DENND1A: variants seen among roughly 807,000 people sequenced by gnomAD.
The protein encoded by DENND1A is DENN domain containing 1A.
In DENND1A, 51 loss-of-function variants were observed where a neutral mutation model predicts 113.7. The observed-to-expected ratio is 0.45, with a 90% CI of 0.36 to 0.57. DENND1A has a LOEUF of 0.57. DENND1A is among the 20% of genes least tolerant of loss of function. DENND1A has a pLI of 0.00. For missense variants in DENND1A, 1,258 were observed against 1,395.9 expected (o/e 0.90, Z 1.57); for synonymous variants, 565 against 570.8 (o/e 0.99, Z 0.14).
intron 2 of DENND1A, among the ~76,000 whole-genome samples, chr9:123,803,696 A>G (rs964362413): frequency 6.6e-6 from 1 of 152,220 alleles, no homozygotes; most frequent in Non-Finnish European, 1.5e-5. Context: ...GATCTTTCCC[A>G]TCAGCATAGA....
chr9:123,495,599 C>G (rs2051842582), intron 13 of DENND1A, among the ~76,000 whole-genome samples: 1 of 152,152 alleles, frequency 6.6e-6, no homozygotes, highest in African/African-American at 2.4e-5. Context: ...TTGAGAGAAC[C>G]CACCGATCAA....
At chr9:123,785,819 C>T (rs945169351) in intron 3 of DENND1A, among the ~76,000 whole-genome samples, 7 of 152,158 alleles carry the variant, frequency 4.6e-5, no homozygotes, top group African/African-American at 1.7e-4. Context: ...AATTACATTT[C>T]CACCTACGTT....
chr9:123,661,692 A>C (rs1032413136), intron 8 of DENND1A, among the ~76,000 whole-genome samples: 2 of 152,234 alleles, frequency 1.3e-5, no homozygotes, highest in African/African-American at 4.8e-5. Flanking sequence ...GAATAAAACA[A>C]ACAGAAGATA....
intron 20 of DENND1A, among the ~76,000 whole-genome samples, chr9:123,406,207 A>G (rs960098606): frequency 3.9e-5 from 6 of 152,346 alleles, no homozygotes; most frequent in Non-Finnish European, 5.9e-5. Context: ...TGATCTAACC[A>G]AAGTTTTTCC....
At chr9:123,531,554 T>TAC (rs57819030) in intron 13 of DENND1A, among the ~76,000 whole-genome samples, 25,434 of 102,688 alleles carry the variant, frequency 0.25, 2,541 homozygotes, top group East Asian at 0.39. Flanking sequence ...CCTCTCTCTC[T>TAC]ACACACACAC....
chr9:123,715,552 C>T (rs1478707415), intron 5 of DENND1A, among the ~76,000 whole-genome samples: 5 of 152,210 alleles, frequency 3.3e-5, no homozygotes, highest in Non-Finnish European at 7.3e-5. Context: ...CTACCTAGAG[C>T]TAGTTTGCAG....
chr9:123,762,981 A>C (rs969309195), intron 4 of DENND1A, among the ~76,000 whole-genome samples: 1 of 152,232 alleles, frequency 6.6e-6, no homozygotes, highest in Non-Finnish European at 1.5e-5. Flanking sequence ...GCTAATGCAC[A>C]GGAGATAAAG....
At chr9:123,534,884 T>C (rs944806133) in intron 13 of DENND1A, among the ~76,000 whole-genome samples, 1 of 152,204 alleles carries the variant, frequency 6.6e-6, no homozygotes, top group African/African-American at 2.4e-5. Flanking sequence ...AAGTATTATC[T>C]TCCTGTCTGT....
At chr9:123,408,291 C>T (rs538914165) in intron 20 of DENND1A, among the ~76,000 whole-genome samples, 1 of 152,274 alleles carries the variant, frequency 6.6e-6, no homozygotes, top group Admixed American at 6.5e-5. Context: ...TAGCAGTGTC[C>T]ACTGGAAATG....
At chr9:123,515,556 T>C (rs2772218) in intron 13 of DENND1A, among the ~76,000 whole-genome samples, 129,794 of 152,230 alleles carry the variant, frequency 0.85, 55,768 homozygotes, top group Middle Eastern at 0.91. Context: ...TCAGTGAACA[T>C]AGGTGAAGGG....
chr9:123,892,987 TAATAAG>T (rs1467561243), intron 1 of DENND1A, among the ~76,000 whole-genome samples: 3 of 151,030 alleles, frequency 2.0e-5, no homozygotes, highest in Non-Finnish European at 4.4e-5. Flanking sequence ...GTCTCAAAAA[TAATAAG>T]AATAATAATA....
intron 12 of DENND1A, among the ~76,000 whole-genome samples, chr9:123,579,613 G>A (rs1485100350): frequency 6.6e-6 from 1 of 152,088 alleles, no homozygotes; most frequent in Non-Finnish European, 1.5e-5. Flanking sequence ...GAGGGATGAG[G>A]AAGAGGATGT....
At chr9:123,695,283 T>C (rs1222255186) in intron 5 of DENND1A, among the ~76,000 whole-genome samples, 1 of 152,050 alleles carries the variant, frequency 6.6e-6, no homozygotes, top group Admixed American at 6.5e-5. Flanking sequence ...TCAAATAAGA[T>C]TGTTGTCAGC....
At chr9:123,680,223 C>T (rs1471208307) in intron 5 of DENND1A, among the ~76,000 whole-genome samples, 1 of 152,254 alleles carries the variant, frequency 6.6e-6, no homozygotes, top group Non-Finnish European at 1.5e-5. Context: ...ATCCAGGCTT[C>T]TCTCCCTTCT....
chr9:123,867,605 C>A (rs1031684189), intron 2 of DENND1A, among the ~76,000 whole-genome samples: 3 of 152,096 alleles, frequency 2.0e-5, no homozygotes, highest in African/African-American at 7.2e-5. Flanking sequence ...TCTGTTTTGG[C>A]GGCCCAGCAT....
At chr9:123,442,674 T>C (rs577378539) in intron 18 of DENND1A, among the ~76,000 whole-genome samples, 3 of 152,330 alleles carry the variant, frequency 2.0e-5, no homozygotes, top group South Asian at 2.1e-4. Flanking sequence ...AGGTAATAGT[T>C]ATTTAGAAAA....
chr9:123,589,842 G>T (rs756970728), intron 11 of DENND1A, among the ~76,000 whole-genome samples: 3 of 152,292 alleles, frequency 2.0e-5, no homozygotes, highest in African/African-American at 7.2e-5. Flanking sequence ...GGGAAAACCC[G>T]TAGTATGGGG....
chr9:123,814,546 A>G (rs750579453), intron 2 of DENND1A, among the ~76,000 whole-genome samples: 4 of 152,184 alleles, frequency 2.6e-5, no homozygotes, highest in Non-Finnish European at 5.9e-5. Flanking sequence ...AAATTCAATT[A>G]GACACAGTAT....
At chr9:123,728,387 G>A (rs529465044) in intron 5 of DENND1A, among the ~76,000 whole-genome samples, 6 of 141,648 alleles carry the variant, frequency 4.2e-5, no homozygotes, top group Admixed American at 2.3e-4. Context: ...TGAGGCAGGA[G>A]AACTGCTTGA....
Sources: gnomAD v4.1 joint callset for allele counts (sites outside exome capture counted in the v4.1 genomes callset) on GRCh38, gnomAD v4.1.1 for gene constraint, MANE v1.5 for transcripts, NCBI Gene and HGNC (gene_info 2026-07-23, HGNC 2026-07-21) for gene names.